Variants in LIG3 observed in about 807,000 individuals in gnomAD.
LIG3 encodes ligase II, DNA, ATP-dependent.
In LIG3, 58 loss-of-function variants were observed where a neutral mutation model predicts 110.9. The ratio of observed to expected loss-of-function variants is 0.52; its 90% CI spans 0.42 to 0.65. The LOEUF (loss-of-function observed/expected upper bound fraction) is 0.65. Among genes scored for constraint, LIG3 ranks in the 30% least tolerant of loss-of-function variants. The probability of loss-of-function intolerance (pLI) is 0.00; values close to 1 mark genes in which losing one functional copy is unlikely to be tolerated. For missense variants in LIG3, 1,094 were observed against 1,273.8 expected (o/e 0.86, Z 2.15); for synonymous variants, 422 against 472.8 (o/e 0.89, Z 1.39).
At chr17:34,992,736 T>C (rs1016626529) in intron 8 of LIG3, 44 bp downstream of exon 8, 2 of 1,511,602 alleles carry the variant, frequency 1.3e-6, no homozygotes, top group Non-Finnish European at 1.8e-6. Context: ...CTCTCCAAGC[T>C]CCACATCCTT....
chr17:35,002,817 G>T, intron 19 of LIG3, 28 bp downstream of exon 19: 1 of 1,579,394 alleles, frequency 6.3e-7, no homozygotes, highest in Non-Finnish European at 8.6e-7. Flanking sequence ...AACACACCAC[G>T]TGGGCCAGTT....
At position 34,983,532 on chromosome 17, in the gene LIG3, A is replaced by G. The variant is rs769477703; in HGVS notation, c.527A>G (p.Gln176Arg). Residue 176 changes from glutamine to arginine, a missense_variant, in exon 2 of 20, where the codon CAG becomes CGG. By Grantham distance (43) the Gln-to-Arg change is conservative. Transcript: ENST00000378526. ...GAGCTGGAAGATAATGAGAAGGAAC[A>G]GATAACCCAGCACATTGCAGGTAAG... is the stretch of plus-strand genomic sequence containing the variant. Reference protein sequence around the residue: ...WEELEDNEKEQITQHIADLSS... With the variant: ...WEELEDNEKERITQHIADLSS... 19 of 1,613,222 alleles carry G rather than the reference A, an allele frequency of 1.2e-5. No individual in the cohort carries two copies. In the East Asian group the frequency reaches 1.8e-4, roughly 15 times the overall value.
intron 11 of LIG3, 53 bp from the exon 12 acceptor site, chr17:34,997,685 C>G: frequency 7.6e-7 from 1 of 1,319,752 alleles, no homozygotes; most frequent in Non-Finnish European, 1.1e-6. Context: ...CTCAGAATTC[C>G]TAATAAGGGA....
At chr17:35,001,036 C>T (rs2090835500) in intron 16 of LIG3, among the ~76,000 whole-genome samples, 1 of 151,952 alleles carries the variant, frequency 6.6e-6, no homozygotes, top group Non-Finnish European at 1.5e-5. Flanking sequence ...TTCTGAGTAG[C>T]TGGGACTACA....
At chr17:35,002,960 T>A (rs988580696) in intron 19 of LIG3, 171 bp downstream of exon 19, 3 of 1,613,624 alleles carry the variant, frequency 1.9e-6, no homozygotes, top group Non-Finnish European at 2.5e-6. Flanking sequence ...TCAGCAATGC[T>A]GCTGCTCACC....
chr17:34,987,970 G>A lies in LIG3; in HGVS notation c.692-1496G>A, dbSNP rs3135973. 3.8e-3 allele frequency among the ~76,000 whole-genome samples: 579 copies of A among 151,916 alleles called. 3 individuals carry two copies. The highest frequency in any genetic ancestry group is 0.013 in the African/African-American group (526 of 41,414). ...AGCACTTTGGGAGGCCGAGGCGGGCGGATCACGAGGTCAGGAGATCGAGAC... is the reference window on the plus strand; with the variant it reads ...AGCACTTTGGGAGGCCGAGGCGGGCAGATCACGAGGTCAGGAGATCGAGAC... On this transcript the variant is annotated intron_variant, in intron 3 of 19. Transcript: ENST00000378526.
rs530788812 is a variant in LIG3 at position 34,992,566 on chromosome 17, C to T, written c.1329C>T (p.Ala443=). 12 of 1,612,908 alleles carry T rather than the reference C, an allele frequency of 7.4e-6. No individual in the cohort carries two copies. The highest frequency in any genetic ancestry group is 1.3e-5 in the African/African-American group (1 of 75,016). ...CCAATGCCTATGAAGCCTTCAAAGC[C>T]TCGCGCAACCTGCAGGATGTGGTGG... The part of the protein sequence containing the change: ...LDPNAYEAFK[A]SRNLQDVVER... The change falls in exon 8 of 20, where the codon GCC becomes GCT. Residue 443 remains alanine, a synonymous_variant. Transcript: ENST00000378526.
In LIG3 at chr17:34,986,274, G is replaced by A. The variant is rs1026324065; in HGVS notation, c.691+143G>A. On this transcript the variant is annotated intron_variant, in intron 3 of 19. Transcript: ENST00000378526. Reference sequence around the variant, plus strand: ...TCTGTCTGAGCAGAGACTGGTAATGGCTAATTCTAAGCCTTCCGCTTGGTT... The same window carrying A: ...TCTGTCTGAGCAGAGACTGGTAATGACTAATTCTAAGCCTTCCGCTTGGTT... The A allele has an allele frequency of 3.6e-6, 3 of 822,338 alleles. No individual in the cohort carries two copies. In the African/African-American group the frequency reaches 5.2e-5, roughly 14 times the overall value. The allele number at this position is 822,338 out of a possible 1,614,324, so 50.9% of individuals were successfully genotyped here.
At chr17:34,995,902 G>T (rs1567691141) in intron 9 of LIG3, among the ~76,000 whole-genome samples, 162 bp from the exon 10 acceptor site, 1 of 152,190 alleles carries the variant, frequency 6.6e-6, no homozygotes, top group African/African-American at 2.4e-5. Flanking sequence ...TCTCCCTCTT[G>T]TCCAGGTGGC....
Position 35,008,395 on chromosome 17 carries a change from T to A in LIG3, c.*3889T>A, listed in dbSNP as rs549272766. Reference sequence around the variant, plus strand: ...CCAACCACAGGCTAATCCCAGGCCATGTGCACATCCCAGGATTAGCTTGTG... The same window carrying A: ...CCAACCACAGGCTAATCCCAGGCCAAGTGCACATCCCAGGATTAGCTTGTG... On this transcript the variant is annotated 3_prime_UTR_variant, in exon 20 of 20. Transcript: ENST00000378526. 6.6e-6 allele frequency: 1 copy of A among 152,274 alleles called. No individual in the cohort carries two copies. Among genetic ancestry groups the A allele is most frequent in the African/African-American group, 2.4e-5 (1 of 41,568 alleles). The allele number at this position is 152,274 out of a possible 1,614,324, so 9.4% of individuals were successfully genotyped here.
In LIG3 at chr17:35,002,726, G is replaced by A. The variant is rs1328899942; in HGVS notation, c.2733G>A (p.Lys911=). 1 of 1,613,220 alleles carries A rather than the reference G, an allele frequency of 6.2e-7. No individual in the cohort carries two copies. The highest frequency in any genetic ancestry group is 1.1e-5 in the South Asian group (1 of 90,898). ...AMKVGEKLAT[K]SSPVKVGEKR... ...AGGTGGGGGAGAAGCTGGCCACAAAGTCTTCTCCAGTGAAAGTAGGGGAGA... is the reference window on the plus strand; with the variant it reads ...AGGTGGGGGAGAAGCTGGCCACAAAATCTTCTCCAGTGAAAGTAGGGGAGA... The change falls in exon 19 of 20, where the codon AAG becomes AAA. Residue 911 remains lysine (K), a synonymous_variant. Coordinates refer to ENST00000378526, the MANE Select transcript of LIG3 (RefSeq NM_013975.4).
chr17:35,000,089 C>T (rs533638164), intron 16 of LIG3, among the ~76,000 whole-genome samples: 18 of 152,306 alleles, frequency 1.2e-4, no homozygotes, highest in South Asian at 4.2e-4. Flanking sequence ...AGTACCTATC[C>T]CCTCAGCACA....
chr17:34,983,115 A>C lies in LIG3; in HGVS notation c.110A>C (p.Gln37Pro), dbSNP rs1454984065. Residue 37 changes from glutamine to proline, a missense_variant, in exon 2 of 20, where the codon CAG becomes CCG. Coordinates refer to ENST00000378526, the MANE Select transcript of LIG3 (RefSeq NM_013975.4). ...TGGCGTGATGTAAGACAATTCAGCC[A>C]GTGGTCAGAAACAGATCTGCTTCAT... ...HHWRDVRQFS[Q>P]WSETDLLHGH... The C allele has an allele frequency of 6.2e-7, 1 of 1,614,100 alleles. No homozygotes were observed. Among genetic ancestry groups the C allele is most frequent in the Non-Finnish European group, 8.5e-7 (1 of 1,180,036 alleles).
At chr17:34,982,136 TAAG>T (rs2090602227) in intron 1 of LIG3, among the ~76,000 whole-genome samples, 1 of 152,122 alleles carries the variant, frequency 6.6e-6, no homozygotes, top group South Asian at 2.1e-4. Context: ...GGAACAGAGG[TAAG>T]AAACCCATCA....
At chr17:34,992,128 T>G in intron 7 of LIG3, 93 bp downstream of exon 7, 1 of 1,077,730 alleles carries the variant, frequency 9.3e-7, no homozygotes, top group Non-Finnish European at 1.4e-6. Context: ...CAGTCAGGAT[T>G]TGAATCCCCC....
At position 34,990,981 on chromosome 17, in the gene LIG3, T is replaced by A; in HGVS notation, c.908T>A (p.Val303Glu). The A allele has an allele frequency of 6.2e-7, 1 of 1,614,164 alleles. No homozygotes were observed. The highest frequency in any genetic ancestry group is 8.5e-7 in the Non-Finnish European group (1 of 1,180,002). The change falls in exon 5 of 20, where the codon GTG becomes GAG. Residue 303 changes from valine to glutamate, a missense_variant. Coordinates refer to ENST00000378526, the MANE Select transcript of LIG3 (RefSeq NM_013975.4). Reference sequence around the variant, plus strand: ...TCTCCAGATGGTTTCCACGGTGATGTGTACCTAACAGTGAAGCTGCTGCTG... The same window carrying A: ...TCTCCAGATGGTTTCCACGGTGATGAGTACCTAACAGTGAAGCTGCTGCTG... ...GSAGDGFHGD[V>E]YLTVKLLLPG...
chr17:34,987,224 G>T (rs2090665832), intron 3 of LIG3, among the ~76,000 whole-genome samples: 1 of 152,254 alleles, frequency 6.6e-6, no homozygotes, highest in Admixed American at 6.5e-5. Context: ...GATAGGAGTT[G>T]AGAAGATCAG....
At chr17:35,003,290 C>A in intron 19 of LIG3, 1 of 793,976 alleles carries the variant, frequency 1.3e-6, no homozygotes, top group Non-Finnish European at 1.9e-6. Context: ...GGTTTGGCAA[C>A]ATCTCCTGAG....
rs1200546646 is a variant in LIG3 at position 34,994,562 on chromosome 17, T to C, written c.1611+131T>C. ...TTTGTTTTTTATTTGTTGAATGAAT[T>C]AATTCATTTATTCATTTTTGGAGTC... On this transcript the variant is annotated intron_variant, in intron 9 of 19. Transcript: ENST00000378526. 9 of 938,502 alleles carry C rather than the reference T, an allele frequency of 9.6e-6. No individual in the cohort carries two copies. In the Admixed American group the frequency reaches 2.3e-4, roughly 24 times the overall value. The allele number at this position is 938,502 out of a possible 1,614,324, so 58.1% of individuals were successfully genotyped here.
Sources: gnomAD v4.1 joint callset for allele counts (sites outside exome capture counted in the v4.1 genomes callset) on GRCh38, gnomAD v4.1.1 for gene constraint, MANE v1.5 for transcripts, NCBI Gene and HGNC (gene_info 2026-07-23, HGNC 2026-07-21) for gene names.